Variants in NDUFAF2 observed in about 807,000 individuals in gnomAD.
NDUFAF2 encodes the protein NADH dehydrogenase [ubiquinone] 1 alpha subcomplex assembly factor 2.
A neutral mutation model predicts 22.8 loss-of-function variants in NDUFAF2; 13 were observed. The observed-to-expected ratio is 0.57, with a 90% CI of 0.37 to 0.91. The LOEUF (loss-of-function observed/expected upper bound fraction) is 0.91, where lower values mean the gene tolerates loss of function less well. Ranked by LOEUF, NDUFAF2 falls within the 40% of genes least tolerant of loss-of-function variation. The pLI is 0.01. For synonymous variants in NDUFAF2, 53 were observed against 64.2 expected (o/e 0.83, Z 0.84); for missense variants, 162 against 195.2 (o/e 0.83, Z 1.01).
At chr5:60,955,518 C>T (rs922123766) in intron 1 of NDUFAF2, among the ~76,000 whole-genome samples, 4 of 152,104 alleles carry the variant, frequency 2.6e-5, no homozygotes, top group Non-Finnish European at 5.9e-5. Context: ...CAGATTTGTT[C>T]TTCCTGCTTA....
intron 2 of NDUFAF2, among the ~76,000 whole-genome samples, chr5:61,082,142 G>A (rs1752451443): frequency 6.6e-6 from 1 of 152,196 alleles, no homozygotes; most frequent in African/African-American, 2.4e-5. Flanking sequence ...AAAAAAATGT[G>A]CATGAGTGTA....
At position 60,945,497 on chromosome 5, in the gene NDUFAF2, C is replaced by G. The variant is rs926008366; in HGVS notation, c.127+115C>G. 14 of 1,449,396 alleles carry G rather than the reference C, an allele frequency of 9.7e-6. No individual in the cohort carries two copies. The African/African-American group carries it at 1.5e-4, about 16-fold the overall frequency. The allele number at this position is 1,449,396 out of a possible 1,614,324, so 89.8% of individuals were successfully genotyped here. On this transcript the variant is annotated intron_variant, in intron 1 of 3. Coordinates refer to ENST00000296597, the MANE Select transcript of NDUFAF2 (RefSeq NM_174889.5). Reference sequence around the variant, plus strand: ...CATCATGCGACACTTAGGGTGTCACCGGAGAGAATTTCCCGAGTTCGTTCT... The same window carrying G: ...CATCATGCGACACTTAGGGTGTCACGGGAGAGAATTTCCCGAGTTCGTTCT...
At chr5:61,031,612 A>T (rs1751728897) in intron 1 of NDUFAF2, among the ~76,000 whole-genome samples, 1 of 152,082 alleles carries the variant, frequency 6.6e-6, no homozygotes, top group South Asian at 2.1e-4. Flanking sequence ...CATTTTCTTT[A>T]TCCAGTCTAT....
intron 1 of NDUFAF2, among the ~76,000 whole-genome samples, chr5:61,024,890 A>G (rs975559593): frequency 6.6e-6 from 1 of 152,080 alleles, no homozygotes; most frequent in Admixed American, 6.6e-5. Flanking sequence ...TCCAATTGCT[A>G]ACAGTTTTCC....
At chr5:60,991,511 A>G (rs1459842247) in intron 1 of NDUFAF2, among the ~76,000 whole-genome samples, 1 of 152,000 alleles carries the variant, frequency 6.6e-6, no homozygotes, top group Non-Finnish European at 1.5e-5. Context: ...CATGAGTTCA[A>G]TTGTTTTGAT....
At chr5:61,079,561 TC>T (rs1267874360) in intron 2 of NDUFAF2, among the ~76,000 whole-genome samples, 1 of 152,246 alleles carries the variant, frequency 6.6e-6, no homozygotes, top group Non-Finnish European at 1.5e-5. Flanking sequence ...TCTCTGGACT[TC>T]CAGAACAATT....
chr5:61,023,988 T>A (rs1352019106), intron 1 of NDUFAF2, among the ~76,000 whole-genome samples: 2 of 152,218 alleles, frequency 1.3e-5, no homozygotes, highest in Admixed American at 6.5e-5. Flanking sequence ...AGCTTATGGC[T>A]CTGGCTTTGA....
At chr5:61,102,499 C>T (rs61091490) in intron 3 of NDUFAF2, among the ~76,000 whole-genome samples, 27 of 152,120 alleles carry the variant, frequency 1.8e-4, no homozygotes, top group Middle Eastern at 3.4e-3. Flanking sequence ...CCCTACCTCA[C>T]GTCATACACA....
intron 1 of NDUFAF2, among the ~76,000 whole-genome samples, chr5:61,067,999 C>T (rs1241771697): frequency 1.3e-5 from 2 of 152,078 alleles, no homozygotes; most frequent in East Asian, 1.9e-4. Flanking sequence ...CATGTTATAT[C>T]CCTTAAATAT....
chr5:60,979,885 AT>A (rs910688100), intron 1 of NDUFAF2, among the ~76,000 whole-genome samples: 1 of 152,126 alleles, frequency 6.6e-6, no homozygotes, highest in Non-Finnish European at 1.5e-5. Flanking sequence ...CTGGCTTTCA[AT>A]CTAATCCAAA....
chr5:61,045,583 C>T (rs1015413172), intron 1 of NDUFAF2, among the ~76,000 whole-genome samples: 2 of 151,980 alleles, frequency 1.3e-5, no homozygotes, highest in African/African-American at 4.8e-5. Flanking sequence ...AAGCTGTCCT[C>T]CCACCTTGGC....
At chr5:61,001,570 A>T (rs1239827993) in intron 1 of NDUFAF2, among the ~76,000 whole-genome samples, 1 of 152,140 alleles carries the variant, frequency 6.6e-6, no homozygotes, top group Non-Finnish European at 1.5e-5. Flanking sequence ...TCCTTATTAA[A>T]TGTAGTTTGA....
rs144677837 is a variant in NDUFAF2 at position 60,960,748 on chromosome 5, GTTA to G, written c.127+15369_127+15371del. Among the ~76,000 whole-genome samples, 11 of 152,158 alleles carry G rather than the reference GTTA, an allele frequency of 7.2e-5. No homozygotes were observed. In the East Asian group the frequency reaches 2.1e-3, roughly 29 times the overall value. On this transcript the variant is annotated intron_variant, in intron 1 of 3. Coordinates refer to ENST00000296597, the MANE Select transcript of NDUFAF2 (RefSeq NM_174889.5). Reference sequence around the variant, plus strand: ...CCTGATTTTTTTTAAAATTAGGTTTGTTATTTTTACACTTAAAAGGCTGTTTTT... The same window carrying G: ...CCTGATTTTTTTTAAAATTAGGTTTGTTTTTACACTTAAAAGGCTGTTTTT...
chr5:61,103,006 G>A (rs1356970386), intron 3 of NDUFAF2, among the ~76,000 whole-genome samples: 1 of 152,038 alleles, frequency 6.6e-6, no homozygotes, highest in Non-Finnish European at 1.5e-5. Flanking sequence ...TGGTTGGGGT[G>A]AAAATGATAC....
intron 1 of NDUFAF2, among the ~76,000 whole-genome samples, chr5:60,984,080 C>T (rs995677265): frequency 6.6e-6 from 1 of 152,226 alleles, no homozygotes; most frequent in African/African-American, 2.4e-5. Context: ...TTTCATTGAG[C>T]AGTGGTTTGT....
chr5:61,063,291 A>G (rs1752188627), intron 1 of NDUFAF2, among the ~76,000 whole-genome samples: 1 of 151,724 alleles, frequency 6.6e-6, no homozygotes, highest in South Asian at 2.1e-4. Context: ...TGAGTCCAGG[A>G]GTTTGGGATC....
At chr5:61,033,880 A>C (rs551446308) in intron 1 of NDUFAF2, among the ~76,000 whole-genome samples, 40 of 152,338 alleles carry the variant, frequency 2.6e-4, no homozygotes, top group African/African-American at 9.1e-4. Context: ...AAAACTATAC[A>C]TAAATAAATA....
At chr5:61,001,904 C>T (rs546334130) in intron 1 of NDUFAF2, among the ~76,000 whole-genome samples, 9 of 152,170 alleles carry the variant, frequency 5.9e-5, no homozygotes, top group South Asian at 2.1e-4. Flanking sequence ...TCTTATTTGA[C>T]GTGCCCTCTA....
chr5:61,108,570 T>C (rs561886063), intron 3 of NDUFAF2, among the ~76,000 whole-genome samples: 1 of 151,372 alleles, frequency 6.6e-6, no homozygotes, highest in Non-Finnish European at 1.5e-5. Context: ...TTCCCCAATG[T>C]TTTCCTTTAG....
Sources: allele counts gnomAD v4.1 joint callset (sites outside exome capture counted in the v4.1 genomes callset), GRCh38; gene constraint gnomAD v4.1.1; transcripts MANE v1.5; gene names NCBI Gene and HGNC (gene_info 2026-07-23, HGNC 2026-07-21).